CSMD1: variants seen among roughly 807,000 people sequenced by gnomAD.
CSMD1 encodes the protein CUB and Sushi multiple domains 1.
CSMD1 carries 213 observed loss-of-function variants against 417.5 expected under a neutral mutation model. That is an observed-to-expected ratio of 0.51 (90% CI 0.46 to 0.57). CSMD1 has a LOEUF of 0.57. CSMD1 is among the 20% of genes least tolerant of loss of function. The probability of loss-of-function intolerance (pLI) is 0.00; values close to 1 mark genes in which losing one functional copy is unlikely to be tolerated. For missense variants in CSMD1, 6,923 were observed against 4,529.7 expected (o/e 1.53, Z -15.17); for synonymous variants, 2,862 against 1,736.8 (o/e 1.65, Z -16.11).
intron 26 of CSMD1, among the ~76,000 whole-genome samples, chr8:3,257,818 G>C (rs1042174382): frequency 6.6e-6 from 1 of 152,140 alleles, no homozygotes; most frequent in Non-Finnish European, 1.5e-5. Context: ...GGTGGGGTGA[G>C]GGGAGAATTG....
intron 7 of CSMD1, among the ~76,000 whole-genome samples, chr8:3,687,675 C>T (rs568060984): frequency 4.6e-5 from 7 of 152,192 alleles, no homozygotes; most frequent in African/African-American, 1.7e-4. Context: ...AGGACCGAGG[C>T]TCCCTGAGCC....
At chr8:4,816,603 G>C (rs1401170367) in intron 1 of CSMD1, among the ~76,000 whole-genome samples, 1 of 152,144 alleles carries the variant, frequency 6.6e-6, no homozygotes, top group African/African-American at 2.4e-5. Context: ...GCACAGTCGA[G>C]GAACCAGGCG....
At chr8:4,958,789 G>A (rs1019987550) in intron 1 of CSMD1, among the ~76,000 whole-genome samples, 4 of 152,020 alleles carry the variant, frequency 2.6e-5, no homozygotes, top group Non-Finnish European at 5.9e-5. Flanking sequence ...AAAAAAGCGG[G>A]GCTTTCATGA....
intron 3 of CSMD1, among the ~76,000 whole-genome samples, chr8:4,172,943 C>A (rs963604612): frequency 6.6e-6 from 1 of 152,090 alleles, no homozygotes; most frequent in Non-Finnish European, 1.5e-5. Context: ...TACAGAAAAA[C>A]CTCGAGGGCT....
intron 7 of CSMD1, among the ~76,000 whole-genome samples, chr8:3,626,623 C>A (rs1048630397): frequency 4.0e-5 from 6 of 151,350 alleles, no homozygotes; most frequent in Admixed American, 3.9e-4. Flanking sequence ...TGATGAGTCC[C>A]CACAGAAAGT....
chr8:3,062,196 T>C (rs1048260808), intron 49 of CSMD1, among the ~76,000 whole-genome samples: 5 of 152,192 alleles, frequency 3.3e-5, no homozygotes, highest in Admixed American at 2.0e-4. Flanking sequence ...TTCCAAAATA[T>C]TTTCTTGGAA....
intron 3 of CSMD1, among the ~76,000 whole-genome samples, chr8:4,372,971 A>C (rs888752376): frequency 2.0e-5 from 3 of 152,180 alleles, no homozygotes; most frequent in African/African-American, 7.2e-5. Flanking sequence ...GGCAAGAGGA[A>C]AATATAAAGT....
intron 2 of CSMD1, among the ~76,000 whole-genome samples, chr8:4,470,764 C>T (rs190016517): frequency 7.2e-5 from 11 of 152,064 alleles, no homozygotes; most frequent in Admixed American, 7.2e-4. Flanking sequence ...TTAATTGGAC[C>T]CAGATTATTT....
chr8:4,054,910 T>C (rs1347435949), intron 3 of CSMD1, among the ~76,000 whole-genome samples: 1 of 152,140 alleles, frequency 6.6e-6, no homozygotes, highest in Non-Finnish European at 1.5e-5. Flanking sequence ...TGCCCTGAGC[T>C]CTGGGGTTTC....
At chr8:3,940,768 C>T (rs1021476758) in intron 5 of CSMD1, among the ~76,000 whole-genome samples, 1 of 151,472 alleles carries the variant, frequency 6.6e-6, no homozygotes, top group Admixed American at 6.6e-5. Flanking sequence ...TTGTTGTATA[C>T]ACAGTTCTCT....
intron 49 of CSMD1, among the ~76,000 whole-genome samples, chr8:3,072,551 C>T (rs915305730): frequency 3.9e-5 from 6 of 152,110 alleles, no homozygotes; most frequent in African/African-American, 1.2e-4. Context: ...CAGTTCTTGG[C>T]GTAGGTGTTT....
chr8:4,033,407 A>T (rs534736935), intron 3 of CSMD1, among the ~76,000 whole-genome samples: 3 of 152,156 alleles, frequency 2.0e-5, no homozygotes, highest in Admixed American at 6.5e-5. Flanking sequence ...GCACCACTGC[A>T]CTCCAGCGTG....
rs1216864826 is a variant in CSMD1 at position 3,997,883 on chromosome 8, C to T, written c.818+20G>A. 6.2e-7 allele frequency: 1 copy of T among 1,600,482 alleles called. No individual in the cohort carries two copies. Among genetic ancestry groups the T allele is most frequent in the South Asian group, 1.1e-5 (1 of 89,034 alleles). ...GAAAACACACCTGTATCCTTTGTGGCATCTCTTCCCGGGACTTACCATATG... is the reference window on the plus strand; with the variant it reads ...GAAAACACACCTGTATCCTTTGTGGTATCTCTTCCCGGGACTTACCATATG... On this transcript the variant is annotated intron_variant, in intron 5 of 69. Transcript: ENST00000635120.
chr8:4,199,206 A>C (rs1313801864), intron 3 of CSMD1, among the ~76,000 whole-genome samples: 1 of 145,842 alleles, frequency 6.9e-6, no homozygotes, highest in Non-Finnish European at 1.5e-5. Flanking sequence ...AAAAAATACA[A>C]TACCAAATAT....
intron 30 of CSMD1, among the ~76,000 whole-genome samples, chr8:3,211,774 G>A (rs1460308579): frequency 6.6e-6 from 1 of 152,236 alleles, no homozygotes; most frequent in Non-Finnish European, 1.5e-5. Context: ...TCGTCCAGAA[G>A]GGAGGATCCT....
At chr8:3,679,644 A>C (rs1799551773) in intron 7 of CSMD1, among the ~76,000 whole-genome samples, 1 of 152,142 alleles carries the variant, frequency 6.6e-6, no homozygotes, top group African/African-American at 2.4e-5. Context: ...CAAGTTAACA[A>C]GGATATCCAG....
intron 46 of CSMD1, among the ~76,000 whole-genome samples, chr8:3,101,400 G>C (rs1386130572): frequency 6.6e-6 from 1 of 152,194 alleles, no homozygotes; most frequent in African/African-American, 2.4e-5. Flanking sequence ...TGAGTGTCTA[G>C]CACAGTAATA....
intron 1 of CSMD1, among the ~76,000 whole-genome samples, chr8:4,889,048 G>C (rs1304133874): frequency 6.6e-6 from 1 of 152,142 alleles, no homozygotes; most frequent in Non-Finnish European, 1.5e-5. Context: ...TTTCAGGCAA[G>C]AAGGATGAAT....
At chr8:4,546,550 C>T (rs1378348455) in intron 2 of CSMD1, among the ~76,000 whole-genome samples, 1 of 152,130 alleles carries the variant, frequency 6.6e-6, no homozygotes, top group African/African-American at 2.4e-5. Flanking sequence ...TTCTCCTACC[C>T]TAGTACATCA....
Sources: allele counts gnomAD v4.1 joint callset (sites outside exome capture counted in the v4.1 genomes callset), GRCh38; gene constraint gnomAD v4.1.1; transcripts MANE v1.5; gene names NCBI Gene and HGNC (gene_info 2026-07-23, HGNC 2026-07-21).